GRIA1: variants seen among roughly 807,000 people sequenced by gnomAD.
The protein encoded by GRIA1 is glutamate ionotropic receptor AMPA type subunit 1, also known as glutamate receptor 1.
Under a neutral mutation model 99.2 loss-of-function variants are expected in GRIA1, and 31 were observed. The ratio of observed to expected loss-of-function variants is 0.31; its 90% CI spans 0.23 to 0.42. The LOEUF is 0.42. Among genes scored for constraint, GRIA1 ranks in the 10% least tolerant of loss-of-function variants. GRIA1 has a pLI of 1.00. For synonymous variants in GRIA1, 438 were observed against 432.4 expected, an observed-to-expected ratio of 1.01 and a Z score of -0.16; for missense variants, 782 against 1,157.5, an observed-to-expected ratio of 0.68 and a Z score of 4.71.
intron 10 of GRIA1, among the ~76,000 whole-genome samples, chr5:153,703,956 A>G (rs919831766): frequency 2.0e-5 from 3 of 152,232 alleles, no homozygotes; most frequent in Non-Finnish European, 4.4e-5. Flanking sequence ...ACAAAAAAGT[A>G]AATACCTTCT....
In GRIA1 at chr5:153,650,896, T is replaced by TAAAAAAAAAAAAAA. The variant is rs71575151; in HGVS notation, c.645+394_645+407dup. Among the ~76,000 whole-genome samples, 14 of 70,142 alleles carry TAAAAAAAAAAAAAA rather than the reference T, an allele frequency of 2.0e-4. 2 individuals carry two copies. Among genetic ancestry groups the TAAAAAAAAAAAAAA allele is most frequent in the South Asian group, 5.9e-4 (1 of 1,694 alleles). The allele number at this position is 70,142 out of a possible 152,430, so 46.0% of individuals were successfully genotyped here. ...CAACATGGTGAAACCCTGTCTCCAC[T>TAAAAAAAAAAAAAA]AAAAAAAAAAAAAAAAAAAAAAAAA... On this transcript the variant is annotated intron_variant, in intron 4 of 15. Coordinates refer to ENST00000285900, the MANE Select transcript of GRIA1 (RefSeq NM_000827.4).
At chr5:153,759,073 T>C (rs1763009156) in intron 11 of GRIA1, among the ~76,000 whole-genome samples, 2 of 151,050 alleles carry the variant, frequency 1.3e-5, no homozygotes, top group Admixed American at 1.3e-4. Context: ...TGAAAACCTA[T>C]GAGATACAGC....
At chr5:153,572,145 T>C (rs559679082) in intron 2 of GRIA1, among the ~76,000 whole-genome samples, 1 of 152,318 alleles carries the variant, frequency 6.6e-6, no homozygotes, top group South Asian at 2.1e-4. Context: ...AAATCCTTTT[T>C]GAAATGTTCA....
At chr5:153,733,441 A>T (rs76889683) in intron 11 of GRIA1, among the ~76,000 whole-genome samples, 3 of 152,166 alleles carry the variant, frequency 2.0e-5, no homozygotes, top group Non-Finnish European at 2.9e-5. Context: ...CACAAAGAGA[A>T]GAAGAAAGAA....
chr5:153,576,997 AATGGATGGATGG>A (rs143441412), intron 2 of GRIA1, among the ~76,000 whole-genome samples: 3 of 90,528 alleles, frequency 3.3e-5, no homozygotes, highest in Non-Finnish European at 4.7e-5. Context: ...TGAGTGGATG[AATGGATGGATGG>A]ATGGATGGAT....
intron 14 of GRIA1, among the ~76,000 whole-genome samples, chr5:153,799,895 T>A (rs996004836): frequency 5.3e-5 from 8 of 152,086 alleles, no homozygotes; most frequent in African/African-American, 1.9e-4. Flanking sequence ...CCCGTCCATA[T>A]GAAAATCTCA....
intron 2 of GRIA1, among the ~76,000 whole-genome samples, chr5:153,546,050 G>C (rs1759587766): frequency 6.6e-6 from 1 of 152,164 alleles, no homozygotes; most frequent in Admixed American, 6.5e-5. Context: ...AATTACTGAG[G>C]CGTGTGTCAC....
chr5:153,800,562 G>A (rs367649759), intron 14 of GRIA1, among the ~76,000 whole-genome samples: 65 of 152,302 alleles, frequency 4.3e-4, no homozygotes, highest in African/African-American at 1.4e-3. Context: ...CCAAAGCCAG[G>A]CTATGCCTTG....
intron 2 of GRIA1, among the ~76,000 whole-genome samples, chr5:153,567,089 A>G (rs144353520): frequency 6.6e-6 from 1 of 151,936 alleles, no homozygotes; most frequent in East Asian, 1.9e-4. Context: ...ACAGTTTTAG[A>G]TCTTTTTTGT....
chr5:153,620,064 A>G (rs1177072742), intron 2 of GRIA1, among the ~76,000 whole-genome samples: 1 of 152,248 alleles, frequency 6.6e-6, no homozygotes. Context: ...CATGAAATGT[A>G]TACAGAGAAG....
At chr5:153,803,021 A>G (rs1230702224) in intron 15 of GRIA1, among the ~76,000 whole-genome samples, 1 of 152,172 alleles carries the variant, frequency 6.6e-6, no homozygotes, top group Non-Finnish European at 1.5e-5. Flanking sequence ...GCTAACGGGA[A>G]CTGGAGAAGA....
intron 11 of GRIA1, among the ~76,000 whole-genome samples, chr5:153,729,326 T>C (rs7736016): frequency 0.52 from 78,890 of 151,240 alleles, 21,449 homozygotes; most frequent in East Asian, 0.94. Context: ...ATGGCACATG[T>C]ATACATATGT....
At chr5:153,544,998 C>T (rs1759475940) in intron 2 of GRIA1, among the ~76,000 whole-genome samples, 1 of 152,182 alleles carries the variant, frequency 6.6e-6, no homozygotes, top group Non-Finnish European at 1.5e-5. Context: ...TAACCTTTAG[C>T]TTCCTCTTCT....
chr5:153,660,136 G>C (rs1755255986), intron 5 of GRIA1, among the ~76,000 whole-genome samples: 1 of 152,182 alleles, frequency 6.6e-6, no homozygotes, highest in Non-Finnish European at 1.5e-5. Context: ...GAGTTTGGCT[G>C]TCAGGAATAT....
At position 153,573,681 on chromosome 5, in the gene GRIA1, C is replaced by T. The variant is rs376555141; in HGVS notation, c.221-73247C>T. On this transcript the variant is annotated intron_variant, in intron 2 of 15. Transcript: ENST00000285900. ...CATATTTGGAGGACCTACTAAGTGC[C>T]AGGCTCTATTTCCAGGGAGCAAATA... Among the ~76,000 whole-genome samples the T allele has an allele frequency of 1.8e-3, 274 of 152,194 alleles. 1 individual carries two copies. Among genetic ancestry groups the T allele is most frequent in the African/African-American group, 6.5e-3 (268 of 41,524 alleles).
At chr5:153,575,863 G>A (rs573828539) in intron 2 of GRIA1, among the ~76,000 whole-genome samples, 1 of 152,302 alleles carries the variant, frequency 6.6e-6, no homozygotes, top group South Asian at 2.1e-4. Flanking sequence ...AGTTAGACAA[G>A]GGAGTGATGG....
intron 2 of GRIA1, among the ~76,000 whole-genome samples, chr5:153,572,622 T>A (rs1762210918): frequency 6.6e-6 from 1 of 152,184 alleles, no homozygotes; most frequent in Non-Finnish European, 1.5e-5. Context: ...GTCTCAGTCA[T>A]CTCCACAGTT....
chr5:153,788,152 G>A (rs1027833281), intron 13 of GRIA1, among the ~76,000 whole-genome samples: 2 of 151,498 alleles, frequency 1.3e-5, no homozygotes, highest in Non-Finnish European at 2.9e-5. Context: ...TCTCTTTTTA[G>A]TCTCTCTCAT....
chr5:153,567,903 T>A (rs1468149402), intron 2 of GRIA1, among the ~76,000 whole-genome samples: 1 of 152,118 alleles, frequency 6.6e-6, no homozygotes, highest in Admixed American at 6.5e-5. Flanking sequence ...AATAAGAAAT[T>A]TGGAATTATT....
Sources: allele counts gnomAD v4.1 joint callset (sites outside exome capture counted in the v4.1 genomes callset), GRCh38; gene constraint gnomAD v4.1.1; transcripts MANE v1.5; gene names NCBI Gene and HGNC (gene_info 2026-07-23, HGNC 2026-07-21).